Variants in CERS6 observed in about 807,000 individuals in gnomAD.
CERS6 encodes LAG1 homolog, ceramide synthase 6.
In CERS6, 26 loss-of-function variants were observed where a neutral mutation model predicts 56.8. The ratio of observed to expected loss-of-function variants is 0.46; its 90% CI spans 0.34 to 0.63. The LOEUF is 0.63. Ranked by LOEUF, CERS6 falls within the 30% of genes least tolerant of loss-of-function variation. CERS6 has a pLI of 0.01. For missense variants in CERS6, 415 were observed against 467.5 expected (o/e 0.89, Z 1.04); for synonymous variants, 164 against 173.3 (o/e 0.95, Z 0.42).
intron 3 of CERS6, among the ~76,000 whole-genome samples, chr2:168,574,358 G>A (rs1018710925): frequency 6.0e-5 from 9 of 149,968 alleles, no homozygotes; most frequent in Non-Finnish European, 7.4e-5. Flanking sequence ...TACTTACGTG[G>A]CTCAATAAGT....
At chr2:168,550,054 C>G (rs1471793207) in intron 2 of CERS6, among the ~76,000 whole-genome samples, 1 of 152,092 alleles carries the variant, frequency 6.6e-6, no homozygotes, top group African/African-American at 2.4e-5. Context: ...GGGCCCAGTA[C>G]AGAATGAAAA....
chr2:168,702,157 G>T (rs537606891), intron 6 of CERS6, among the ~76,000 whole-genome samples: 1 of 152,004 alleles, frequency 6.6e-6, no homozygotes, highest in East Asian at 1.9e-4. Context: ...AGAACCTATG[G>T]ATAATGGGGG....
At chr2:168,518,226 A>G (rs1296409710) in intron 1 of CERS6, among the ~76,000 whole-genome samples, 1 of 152,136 alleles carries the variant, frequency 6.6e-6, no homozygotes, top group African/African-American at 2.4e-5. Flanking sequence ...TTTGATTATA[A>G]ACTGTTTTTT....
chr2:168,661,514 G>C (rs1339160802), intron 4 of CERS6, among the ~76,000 whole-genome samples: 2 of 152,228 alleles, frequency 1.3e-5, no homozygotes, highest in African/African-American at 4.8e-5. Context: ...GTTATGGGAA[G>C]ACACTTTACA....
chr2:168,468,628 T>C (rs1251786452), intron 1 of CERS6, among the ~76,000 whole-genome samples: 1 of 152,238 alleles, frequency 6.6e-6, no homozygotes, highest in Non-Finnish European at 1.5e-5. Flanking sequence ...TTTCTGAGTG[T>C]TTGTTGAAAC....
At chr2:168,486,495 T>C (rs1009889071) in intron 1 of CERS6, among the ~76,000 whole-genome samples, 1 of 151,810 alleles carries the variant, frequency 6.6e-6, no homozygotes, top group Admixed American at 6.6e-5. Flanking sequence ...TTGAGCTGAT[T>C]TTTGTTAAAG....
intron 1 of CERS6, among the ~76,000 whole-genome samples, chr2:168,510,077 A>G (rs1694751568): frequency 6.7e-6 from 1 of 150,280 alleles, no homozygotes; most frequent in South Asian, 2.1e-4. Flanking sequence ...AGTACTTGAT[A>G]TTTTATAATA....
At chr2:168,516,679 T>C (rs1027475055) in intron 1 of CERS6, among the ~76,000 whole-genome samples, 50 of 152,186 alleles carry the variant, frequency 3.3e-4, no homozygotes, top group African/African-American at 1.2e-3. Context: ...AATATTCCCA[T>C]ATTAGAAATA....
intron 3 of CERS6, among the ~76,000 whole-genome samples, chr2:168,609,838 G>A (rs560709525): frequency 6.6e-6 from 1 of 152,256 alleles, no homozygotes; most frequent in East Asian, 1.9e-4. Flanking sequence ...TTTTAACAGG[G>A]CTTAACAGGT....
intron 3 of CERS6, among the ~76,000 whole-genome samples, chr2:168,566,761 A>G (rs1574070154): frequency 6.6e-6 from 1 of 150,976 alleles, no homozygotes; most frequent in Non-Finnish European, 1.5e-5. Context: ...TAGTATGGGG[A>G]ATATGTTCAA....
chr2:168,656,797 C>T (rs1028561893), intron 4 of CERS6, among the ~76,000 whole-genome samples: 1 of 152,146 alleles, frequency 6.6e-6, no homozygotes, highest in African/African-American at 2.4e-5. Context: ...TTATCTGGCC[C>T]CACCCACATC....
At chr2:168,679,839 T>C (rs954530614) in intron 4 of CERS6, among the ~76,000 whole-genome samples, 11 of 152,240 alleles carry the variant, frequency 7.2e-5, no homozygotes, top group African/African-American at 2.7e-4. Flanking sequence ...TACTCTTTGG[T>C]TACTTGCCTC....
At chr2:168,500,689 A>AC (rs142529719) in intron 1 of CERS6, among the ~76,000 whole-genome samples, 1,939 of 152,320 alleles carry the variant, frequency 0.013, 30 homozygotes, top group African/African-American at 0.045. Context: ...CAAAGGAGAA[A>AC]CCACAGGTTC....
At chr2:168,563,563 C>T (rs1016874211) in intron 3 of CERS6, among the ~76,000 whole-genome samples, 13 of 152,142 alleles carry the variant, frequency 8.5e-5, no homozygotes, top group South Asian at 2.1e-4. Flanking sequence ...TTTTGGAGGC[C>T]GAGGCGGGCG....
chr2:168,528,519 T>C (rs950264126), intron 1 of CERS6, among the ~76,000 whole-genome samples: 1 of 152,248 alleles, frequency 6.6e-6, no homozygotes, highest in African/African-American at 2.4e-5. Context: ...TTGTGATTTC[T>C]GTTTTCCTGA....
chr2:168,512,041 A>C (rs1211847447), intron 1 of CERS6, among the ~76,000 whole-genome samples: 1 of 152,192 alleles, frequency 6.6e-6, no homozygotes, highest in Non-Finnish European at 1.5e-5. Context: ...CAAGGGTTGA[A>C]CCCTTAGCAC....
intron 1 of CERS6, among the ~76,000 whole-genome samples, chr2:168,544,595 G>A (rs1695429643): frequency 6.6e-6 from 1 of 152,148 alleles, no homozygotes; most frequent in Admixed American, 6.5e-5. Flanking sequence ...AGCTGGAAAG[G>A]TTTGGGCCCT....
intron 1 of CERS6, among the ~76,000 whole-genome samples, chr2:168,536,060 A>G (rs1019838414): frequency 7.2e-5 from 11 of 152,176 alleles, no homozygotes; most frequent in Non-Finnish European, 1.5e-4. Context: ...TCAAAACTTT[A>G]TGGTTAATTT....
chr2:168,646,054 C>T (rs1685192138), intron 4 of CERS6, among the ~76,000 whole-genome samples: 1 of 152,108 alleles, frequency 6.6e-6, no homozygotes, highest in Non-Finnish European at 1.5e-5. Context: ...GGGTATATAC[C>T]CAGTAATGGG....
Sources: gnomAD v4.1 joint callset for allele counts (sites outside exome capture counted in the v4.1 genomes callset) on GRCh38, gnomAD v4.1.1 for gene constraint, MANE v1.5 for transcripts, NCBI Gene and HGNC (gene_info 2026-07-23, HGNC 2026-07-21) for gene names.